The following LRBA variants were observed in gnomAD, a reference collection of about 807,000 sequenced individuals.
LRBA encodes lipopolysaccharide-responsive and beige-like anchor protein.
In LRBA, 176 loss-of-function variants were observed where a neutral mutation model predicts 330.0. The observed-to-expected ratio is 0.53, with a 90% CI of 0.47 to 0.60. The LOEUF is 0.60. Ranked by LOEUF, LRBA falls within the 20% of genes least tolerant of loss-of-function variation. LRBA has a pLI of 0.00. For synonymous variants in LRBA, 1,230 were observed against 1,193.0 expected (o/e 1.03, Z -0.64); for missense variants, 3,259 against 3,444.8 (o/e 0.95, Z 1.35).
intron 40 of LRBA, chr4:150,582,903 GAA>G: frequency 8.5e-7 from 1 of 1,171,606 alleles, no homozygotes; most frequent in Non-Finnish European, 1.2e-6. Context: ...AAACGAGAGT[GAA>G]AGTAGGGCTT....
chr4:150,888,221 T>C (rs1729149277), intron 17 of LRBA, among the ~76,000 whole-genome samples: 1 of 152,094 alleles, frequency 6.6e-6, no homozygotes, highest in African/African-American at 2.4e-5. Flanking sequence ...AGAGTGAAGG[T>C]CAAATAAATA....
At chr4:150,326,750 G>T (rs1215436407) in intron 48 of LRBA, among the ~76,000 whole-genome samples, 1 of 152,152 alleles carries the variant, frequency 6.6e-6, no homozygotes, top group Non-Finnish European at 1.5e-5. Flanking sequence ...TCCCTAAATT[G>T]GCTGAATGAA....
chr4:150,309,864 A>G (rs1007182541), intron 52 of LRBA, among the ~76,000 whole-genome samples: 41 of 152,268 alleles, frequency 2.7e-4, no homozygotes, highest in African/African-American at 9.4e-4. Context: ...AAATCCTTTA[A>G]ATAATACAAA....
chr4:150,897,876 A>C, intron 14 of LRBA, 58 bp from the exon 15 acceptor site: 2 of 1,163,882 alleles, frequency 1.7e-6, no homozygotes, highest in East Asian at 2.4e-5. Context: ...AAGCTGTCAA[A>C]GTATAAAATT....
intron 56 of LRBA, among the ~76,000 whole-genome samples, chr4:150,270,897 T>G (rs1746001323): frequency 6.6e-6 from 1 of 152,238 alleles, no homozygotes; most frequent in African/African-American, 2.4e-5. Flanking sequence ...CTGATAAAGA[T>G]GATGATACTT....
At chr4:150,902,792 T>C (rs1485538984) in intron 13 of LRBA, among the ~76,000 whole-genome samples, 1 of 152,198 alleles carries the variant, frequency 6.6e-6, no homozygotes, top group East Asian at 1.9e-4. Context: ...TCTCCACGGA[T>C]AACACCAGAT....
intron 35 of LRBA, among the ~76,000 whole-genome samples, chr4:150,755,487 T>C (rs1288880988): frequency 6.6e-6 from 1 of 152,156 alleles, no homozygotes; most frequent in African/African-American, 2.4e-5. Context: ...TTTTATTAAA[T>C]TAAACACAAA....
intron 36 of LRBA, among the ~76,000 whole-genome samples, chr4:150,733,422 A>G (rs542306437): frequency 1.1e-4 from 16 of 151,924 alleles, no homozygotes; most frequent in African/African-American, 3.9e-4. Context: ...AACAAAGCAT[A>G]AAGAGAAAGA....
intron 44 of LRBA, among the ~76,000 whole-genome samples, chr4:150,441,036 G>T (rs958297991): frequency 6.6e-6 from 1 of 151,948 alleles, no homozygotes; most frequent in African/African-American, 2.4e-5. Context: ...TTTTTGTTAC[G>T]TTCTTTGAGA....
At chr4:150,974,729 G>A (rs1023963577) in intron 2 of LRBA, among the ~76,000 whole-genome samples, 4 of 152,174 alleles carry the variant, frequency 2.6e-5, no homozygotes, top group African/African-American at 9.6e-5. Flanking sequence ...GAAAGTCATG[G>A]AGAGAAGAAA....
chr4:150,460,576 G>A (rs1754653002), intron 44 of LRBA, among the ~76,000 whole-genome samples: 1 of 151,730 alleles, frequency 6.6e-6, no homozygotes, highest in Non-Finnish European at 1.5e-5. Flanking sequence ...AAACAAACAT[G>A]ATTTCTTAGA....
intron 2 of LRBA, among the ~76,000 whole-genome samples, chr4:150,987,522 A>G (rs1486309314): frequency 6.6e-6 from 1 of 152,094 alleles, no homozygotes; most frequent in African/African-American, 2.4e-5. Flanking sequence ...CTGGGCCAAC[A>G]TGGCAAAACC....
chr4:150,784,955 T>C (rs944170368), intron 34 of LRBA, among the ~76,000 whole-genome samples: 5 of 152,222 alleles, frequency 3.3e-5, no homozygotes, highest in Admixed American at 6.5e-5. Flanking sequence ...AACCACCCAA[T>C]GGGCTCACCT....
intron 17 of LRBA, among the ~76,000 whole-genome samples, chr4:150,885,750 A>G (rs1728882883): frequency 6.6e-6 from 1 of 152,220 alleles, no homozygotes; most frequent in Admixed American, 6.5e-5. Context: ...AATGCAATTC[A>G]TTGCTGTCAT....
chr4:150,282,606 C>T lies in LRBA; in HGVS notation c.8160G>A (p.Leu2720=), dbSNP rs1333794918. 1 of 1,613,314 alleles carries T rather than the reference C, an allele frequency of 6.2e-7. No homozygotes were observed. The highest frequency in any genetic ancestry group is 8.5e-7 in the Non-Finnish European group (1 of 1,179,566). ...AGTTTTCAGGACCCTCCAAGGTCCTCAACAAGTCTCCATTCATGGAATGTA... is the reference window on the plus strand; with the variant it reads ...AGTTTTCAGGACCCTCCAAGGTCCTTAACAAGTCTCCATTCATGGAATGTA... ...CLIHSMNGDL[L]RTLEGPENCL... is the part of the protein sequence containing the mutation. The change falls in exon 55 of 57, where the codon TTG becomes TTA. Residue 2720 remains leucine, a synonymous_variant. Coordinates refer to ENST00000651943, the MANE Select transcript of LRBA (RefSeq NM_001364905.1).
chr4:150,613,286 C>T (rs965328685), intron 37 of LRBA, among the ~76,000 whole-genome samples: 4 of 152,034 alleles, frequency 2.6e-5, no homozygotes, highest in African/African-American at 7.2e-5. Context: ...GAGATAATTA[C>T]AATATATGCA....
At chr4:150,971,972 G>A (rs1041659441) in intron 2 of LRBA, among the ~76,000 whole-genome samples, 2 of 152,078 alleles carry the variant, frequency 1.3e-5, no homozygotes, top group African/African-American at 4.8e-5. Flanking sequence ...CCAGTATAAT[G>A]TACCTCCATT....
At chr4:151,001,240 G>A (rs1561115097) in intron 2 of LRBA, among the ~76,000 whole-genome samples, 1 of 152,262 alleles carries the variant, frequency 6.6e-6, no homozygotes. Context: ...GCACAAGCGG[G>A]GCATGTGTCC....
At chr4:150,337,717 G>A (rs1001310579) in intron 48 of LRBA, among the ~76,000 whole-genome samples, 3 of 151,906 alleles carry the variant, frequency 2.0e-5, no homozygotes, top group South Asian at 4.2e-4. Context: ...TCTTAACTTC[G>A]GTATTCAATA....
Sources: gnomAD v4.1 joint callset for allele counts (sites outside exome capture counted in the v4.1 genomes callset) on GRCh38, gnomAD v4.1.1 for gene constraint, MANE v1.5 for transcripts, NCBI Gene and HGNC (gene_info 2026-07-23, HGNC 2026-07-21) for gene names.